BCAP29: variants seen among roughly 807,000 people sequenced by gnomAD.
BCAP29 encodes B cell receptor associated protein 29.
BCAP29 carries 34 observed loss-of-function variants against 31.8 expected under a neutral mutation model. The observed-to-expected ratio is 1.07, with a 90% CI of 0.81 to 1.42. The LOEUF (loss-of-function observed/expected upper bound fraction) is 1.42, where lower values mean the gene tolerates loss of function less well. BCAP29 is among the 40% of genes most tolerant of loss of function. The probability of loss-of-function intolerance (pLI) is 0.00; values close to 1 mark genes in which losing one functional copy is unlikely to be tolerated. For synonymous variants in BCAP29, 104 were observed against 91.3 expected (o/e 1.14, Z -0.79); for missense variants, 314 against 269.2 (o/e 1.17, Z -1.16).
chr7:107,585,459 A>G (rs1237600505), intron 3 of BCAP29, among the ~76,000 whole-genome samples: 2 of 152,218 alleles, frequency 1.3e-5, no homozygotes, highest in African/African-American at 2.4e-5. Context: ...AGTAAAGAAC[A>G]ATAAGGAAAA....
At chr7:107,605,076 T>C (rs1049644984) in intron 6 of BCAP29, among the ~76,000 whole-genome samples, 1 of 152,210 alleles carries the variant, frequency 6.6e-6, no homozygotes, top group African/African-American at 2.4e-5. Context: ...AATGATGATA[T>C]TGCATCCTGT....
At chr7:107,598,508 A>G (rs1810261932) in intron 5 of BCAP29, among the ~76,000 whole-genome samples, 1 of 152,124 alleles carries the variant, frequency 6.6e-6, no homozygotes, top group Non-Finnish European at 1.5e-5. Context: ...GTCTTGTGCT[A>G]CAGTTTTTAT....
intron 6 of BCAP29, among the ~76,000 whole-genome samples, chr7:107,607,444 T>C (rs1195462061): frequency 6.6e-6 from 1 of 152,142 alleles, no homozygotes; most frequent in African/African-American, 2.4e-5. Flanking sequence ...CTTAGACCTC[T>C]TTATCTCACC....
intron 5 of BCAP29, 150 bp downstream of exon 5, chr7:107,596,152 T>C (rs1286411347): frequency 4.4e-6 from 3 of 688,094 alleles, no homozygotes; most frequent in Non-Finnish European, 4.4e-6. Flanking sequence ...ATTTCAAGAA[T>C]AGTTTTACTG....
At chr7:107,580,417 C>G in intron 1 of BCAP29, 116 bp downstream of exon 1, 1 of 243,462 alleles carries the variant, frequency 4.1e-6, no homozygotes, top group Non-Finnish European at 7.9e-6. Context: ...CCGGCCCGGT[C>G]CGCGGCGCGG....
rs550938616 is a variant in BCAP29 at position 107,618,453 on chromosome 7, T to G, written c.*90T>G. 6.8e-6 allele frequency: 11 copies of G among 1,613,126 alleles called. No homozygotes were observed. The South Asian group carries it at 1.2e-4, about 18-fold the overall frequency. ...AAAATTTAAGTTCAGAAAAATGCAC[T>G]ATGACCGGTTCGTAATTTTTTTAAT... On this transcript the variant is annotated 3_prime_UTR_variant, in exon 8 of 8. Coordinates refer to ENST00000005259, the MANE Select transcript of BCAP29 (RefSeq NM_018844.4).
In BCAP29 at chr7:107,618,476, A is replaced by G; in HGVS notation, c.*113A>G. 1 of 1,612,998 alleles carries G rather than the reference A, an allele frequency of 6.2e-7. No homozygotes were observed. Among genetic ancestry groups the G allele is most frequent in the Non-Finnish European group, 8.5e-7 (1 of 1,179,286 alleles). On this transcript the variant is annotated 3_prime_UTR_variant, in exon 8 of 8. Coordinates refer to ENST00000005259, the MANE Select transcript of BCAP29 (RefSeq NM_018844.4). Reference sequence around the variant, plus strand: ...ACTATGACCGGTTCGTAATTTTTTTAATGCCACACATAGGTTGTATTGTAA... The same window carrying G: ...ACTATGACCGGTTCGTAATTTTTTTGATGCCACACATAGGTTGTATTGTAA...
intron 3 of BCAP29, among the ~76,000 whole-genome samples, chr7:107,593,127 G>A (rs1809179525): frequency 6.6e-6 from 1 of 152,248 alleles, no homozygotes; most frequent in Admixed American, 6.5e-5. Context: ...TTTTCTAACT[G>A]GAGTCTCCTT....
chr7:107,616,062 C>T (rs1400123743), intron 7 of BCAP29, among the ~76,000 whole-genome samples: 1 of 152,140 alleles, frequency 6.6e-6, no homozygotes, highest in Non-Finnish European at 1.5e-5. Context: ...GATCCATTCT[C>T]CTCTCACCAC....
At chr7:107,604,756 G>T (rs1585175142) in intron 6 of BCAP29, among the ~76,000 whole-genome samples, 1 of 142,866 alleles carries the variant, frequency 7.0e-6, no homozygotes. Context: ...CATATTATTT[G>T]TTTTCATGTC....
At chr7:107,582,365 T>C (rs936909201) in intron 2 of BCAP29, among the ~76,000 whole-genome samples, 2 of 152,234 alleles carry the variant, frequency 1.3e-5, no homozygotes, top group African/African-American at 4.8e-5. Context: ...GAAAATACGG[T>C]ATGTATGCAC....
At chr7:107,581,997 C>G (rs1367173431) in intron 2 of BCAP29, among the ~76,000 whole-genome samples, 1 of 152,162 alleles carries the variant, frequency 6.6e-6, no homozygotes, top group Non-Finnish European at 1.5e-5. Context: ...AAATCTGGCT[C>G]TTAGTCCAGT....
chr7:107,584,724 T>C (rs940894085), intron 3 of BCAP29, among the ~76,000 whole-genome samples: 2 of 152,006 alleles, frequency 1.3e-5, no homozygotes, highest in Non-Finnish European at 2.9e-5. Context: ...CAAACAAAAC[T>C]GCAACATAGA....
chr7:107,600,204 C>CT, intron 5 of BCAP29, 193 bp from the exon 6 acceptor site: 3 of 612,814 alleles, frequency 4.9e-6, no homozygotes, highest in East Asian at 6.2e-5. Flanking sequence ...AATAGGAAAT[C>CT]TTTTTTGTGT....
intron 3 of BCAP29, among the ~76,000 whole-genome samples, chr7:107,591,249 C>G (rs12539430): frequency 2.2e-3 from 331 of 152,298 alleles, no homozygotes; most frequent in South Asian, 4.1e-3. Flanking sequence ...AGCAGTTGAT[C>G]AGTTGCTTCT....
Position 107,607,433 on chromosome 7 carries a change from A to C in BCAP29, c.590-5899A>C, listed in dbSNP as rs553810907. Reference sequence around the variant, plus strand: ...TGACTTTGTTATAGGGAAGACGAGGACTTAGACCTCTTTATCTCACCCAGT... The same window carrying C: ...TGACTTTGTTATAGGGAAGACGAGGCCTTAGACCTCTTTATCTCACCCAGT... On this transcript the variant is annotated intron_variant, in intron 6 of 7. Transcript: ENST00000005259. 3.9e-5 allele frequency among the ~76,000 whole-genome samples: 6 copies of C among 152,130 alleles called. No individual in the cohort carries two copies. The South Asian group carries it at 1.3e-3, about 32-fold the overall frequency.
intron 5 of BCAP29, among the ~76,000 whole-genome samples, chr7:107,597,128 G>A (rs1810006285): frequency 6.6e-6 from 1 of 152,142 alleles, no homozygotes. Flanking sequence ...GACCAACAAA[G>A]GCCATAAGTG....
intron 3 of BCAP29, among the ~76,000 whole-genome samples, chr7:107,592,697 GA>G (rs1222679982): frequency 1.3e-5 from 2 of 152,110 alleles, no homozygotes; most frequent in African/African-American, 4.8e-5. Context: ...ATCAACCAAT[GA>G]ATAGATAAAC....
Position 107,598,523 on chromosome 7 carries a change from G to T in BCAP29, c.481-1874G>T, listed in dbSNP as rs182339577. Among the ~76,000 whole-genome samples the T allele has an allele frequency of 7.9e-5, 12 of 152,048 alleles. No homozygotes were observed. In the East Asian group the frequency reaches 2.3e-3, roughly 29 times the overall value. Reference sequence around the variant, plus strand: ...GTCTTGTGCTACAGTTTTTATGCTCGTTTCGTCCTTTCTACTAGATTGAAG... The same window carrying T: ...GTCTTGTGCTACAGTTTTTATGCTCTTTTCGTCCTTTCTACTAGATTGAAG... On this transcript the variant is annotated intron_variant, in intron 5 of 7. Coordinates refer to ENST00000005259, the MANE Select transcript of BCAP29 (RefSeq NM_018844.4).
Sources: allele counts gnomAD v4.1 joint callset (sites outside exome capture counted in the v4.1 genomes callset), GRCh38; gene constraint gnomAD v4.1.1; transcripts MANE v1.5; gene names NCBI Gene and HGNC (gene_info 2026-07-23, HGNC 2026-07-21).